Variants in FBXO24 observed in about 807,000 individuals in gnomAD.
FBXO24 encodes F-box protein 24.
Under a neutral mutation model 63.5 loss-of-function variants are expected in FBXO24, and 30 were observed. That is an observed-to-expected ratio of 0.47 (90% confidence interval 0.35 to 0.64). The LOEUF is 0.64. Ranked by LOEUF, FBXO24 falls within the 30% of genes least tolerant of loss-of-function variation. The pLI is 0.00. For missense variants in FBXO24, 624 were observed against 763.4 expected, an observed-to-expected ratio of 0.82 and a Z score of 2.15; for synonymous variants, 300 against 305.0, an observed-to-expected ratio of 0.98 and a Z score of 0.17.
In FBXO24 at chr7:100,600,255, A is replaced by T; in HGVS notation, c.1377+54A>T. ...CCAGGGAGGATGAGAGCCATGAACC[A>T]GGAAGCCCACAGGCTGTAGCTGGGG... On this transcript the variant is annotated intron_variant, in intron 9 of 9. Coordinates refer to ENST00000241071, the MANE Select transcript of FBXO24 (RefSeq NM_033506.3). This position sits in a 1 kb window ranked among gnomAD's most constrained non-coding sequence, Gnocchi z 6.3. 1 of 1,466,052 alleles carries T rather than the reference A, an allele frequency of 6.8e-7. No individual in the cohort carries two copies. The highest frequency in any genetic ancestry group is 9.1e-7 in the Non-Finnish European group (1 of 1,104,654). 90.8% of individuals were successfully genotyped at this position (1,466,052 alleles called of 1,614,324 possible). A position where few individuals can be genotyped will look rare whatever the true frequency, so the allele number is the denominator to read the frequency against.
At chr7:100,589,277 C>T in intron 1 of FBXO24, 1 of 517,164 alleles carries the variant, frequency 1.9e-6, no homozygotes, top group Non-Finnish European at 2.5e-6. Context: ...CTTGAGCTAC[C>T]AATCCCTAGA....
chr7:100,598,772 T>C (rs1374169779), intron 8 of FBXO24, among the ~76,000 whole-genome samples: 1 of 151,824 alleles, frequency 6.6e-6, no homozygotes, highest in Non-Finnish European at 1.5e-5. Flanking sequence ...AGCCCAGGAG[T>C]TCGGGACCAG....
intron 8 of FBXO24, among the ~76,000 whole-genome samples, chr7:100,597,072 T>C (rs544162684): frequency 2.6e-5 from 4 of 152,072 alleles, no homozygotes; most frequent in East Asian, 1.9e-4. Flanking sequence ...CCACACTCAA[T>C]TGGAAACGTC....
At position 100,594,006 on chromosome 7, in the gene FBXO24, C is replaced by T. The variant is rs374367839; in HGVS notation, c.794-377C>T. The stretch of plus-strand genomic sequence containing the variant: ...CTTGCTATGTTGCCCAGGCTGGTCT[C>T]GAACTCCCTGCCTCAAGTGATCCTC... On this transcript the variant is annotated intron_variant, in intron 5 of 9. Transcript: ENST00000241071. The surrounding 1 kb of genome is among the most constrained non-coding windows in gnomAD (Gnocchi z 4.2). 3.9e-5 allele frequency among the ~76,000 whole-genome samples: 6 copies of T among 151,966 alleles called. No homozygotes were observed. The highest frequency in any genetic ancestry group is 1.9e-4 in the East Asian group (1 of 5,196).
intron 3 of FBXO24, 45 bp from the exon 4 acceptor site, chr7:100,591,622 G>C (rs376048381): frequency 1.3e-6 from 2 of 1,575,510 alleles, no homozygotes; most frequent in Non-Finnish European, 1.7e-6. Flanking sequence ...CATCTCCCTC[G>C]TGTCATCTCA....
rs551291421 is a variant in FBXO24 at position 100,593,260 on chromosome 7, C to T, written c.793+243C>T. Among the ~76,000 whole-genome samples, 68 of 152,038 alleles carry T rather than the reference C, an allele frequency of 4.5e-4. 2 individuals carry two copies. The Middle Eastern group carries it at 0.041, about 91-fold the overall frequency. On this transcript the variant is annotated intron_variant, in intron 5 of 9. Transcript: ENST00000241071. ...CTGTAACCCCAGCACTTTGGGAGGC[C>T]GAGGTGAGCAGATCACCTGAGATCT... is the stretch of plus-strand genomic sequence containing the variant.
Position 100,591,838 on chromosome 7 carries a change from C to T in FBXO24, c.494C>T (p.Thr165Ile), listed in dbSNP as rs1233631090. 13 of 1,614,228 alleles carry T rather than the reference C, an allele frequency of 8.1e-6. No individual in the cohort carries two copies. Among genetic ancestry groups the T allele is most frequent in the Non-Finnish European group, 5.9e-6 (7 of 1,180,046 alleles). The change falls in exon 4 of 10, where the codon ACC (threonine) becomes ATC (isoleucine). Residue 165 changes from threonine to isoleucine, a missense_variant. Coordinates refer to ENST00000241071, the MANE Select transcript of FBXO24 (RefSeq NM_033506.3). ...LFFLKNALVS[T>I]LGQMQWKRAC... is the part of the protein sequence containing the mutation. ...TTCCTCAAAAATGCCCTGGTCTCCACCCTCGGCCAGATGCAGTGGAAGCGG... is the reference window on the plus strand; with the variant it reads ...TTCCTCAAAAATGCCCTGGTCTCCATCCTCGGCCAGATGCAGTGGAAGCGG...
chr7:100,595,729 C>G lies in FBXO24; in HGVS notation c.1206+23C>G. The G allele has an allele frequency of 3.2e-6, 5 of 1,565,888 alleles. No individual in the cohort carries two copies. The South Asian group carries it at 3.5e-5, about 11-fold the overall frequency. ...CAGGTGAGACTATTTCCCAGCAACT[C>G]TCATCCCAACCCCTTTCCTCCAATT... On this transcript the variant is annotated intron_variant, in intron 8 of 9. Transcript: ENST00000241071.
At chr7:100,586,744 T>C in intron 1 of FBXO24, 80 bp downstream of exon 1, 1 of 1,491,704 alleles carries the variant, frequency 6.7e-7, no homozygotes, top group Non-Finnish European at 9.3e-7. Flanking sequence ...GCCGCTGCAG[T>C]GGCGAGTGCG....
Position 100,594,182 on chromosome 7 carries a change from C to A in FBXO24, c.794-201C>A, listed in dbSNP as rs1802177514. On this transcript the variant is annotated intron_variant, in intron 5 of 9. Coordinates refer to ENST00000241071, the MANE Select transcript of FBXO24 (RefSeq NM_033506.3). The surrounding 1 kb of genome is among the most constrained non-coding windows in gnomAD (Gnocchi z 4.2). Reference sequence around the variant, plus strand: ...AATCTGCTAGATTTTTCTCTCTGCTCATCTCTCATGCTGAAGTACTTCCCT... The same window carrying A: ...AATCTGCTAGATTTTTCTCTCTGCTAATCTCTCATGCTGAAGTACTTCCCT... 6.6e-6 allele frequency among the ~76,000 whole-genome samples: 1 copy of A among 152,202 alleles called. No homozygotes were observed. Among genetic ancestry groups the A allele is most frequent in the African/African-American group, 2.4e-5 (1 of 41,434 alleles).
intron 7 of FBXO24, 138 bp downstream of exon 7, chr7:100,595,361 T>C: frequency 1.3e-6 from 2 of 1,489,458 alleles, no homozygotes. Flanking sequence ...AGAGATCAGC[T>C]GGGGGCTCGG....
At chr7:100,588,240 A>G (rs1801847496) in intron 1 of FBXO24, among the ~76,000 whole-genome samples, 1 of 152,192 alleles carries the variant, frequency 6.6e-6, no homozygotes, top group African/African-American at 2.4e-5. Flanking sequence ...TGGAGTGGAT[A>G]AAGGGGACCC....
At chr7:100,595,017 T>C in intron 6 of FBXO24, 85 bp from the exon 7 acceptor site, 3 of 1,573,584 alleles carry the variant, frequency 1.9e-6, no homozygotes, top group Admixed American at 1.8e-5. Context: ...ACTCCTTGGA[T>C]CTTGTAGCTT....
rs775067872 is a variant in FBXO24, at chr7:100,595,735, C to A, written c.1206+29C>A. The stretch of plus-strand genomic sequence containing the variant: ...AGACTATTTCCCAGCAACTCTCATC[C>A]CAACCCCTTTCCTCCAATTCCCTAA... On this transcript the variant is annotated intron_variant, in intron 8 of 9. Transcript: ENST00000241071. 8 of 1,552,320 alleles carry A rather than the reference C, an allele frequency of 5.2e-6. No individual in the cohort carries two copies. The Admixed American group carries it at 1.3e-4, about 25-fold the overall frequency.
chr7:100,594,557 C>T lies in FBXO24; in HGVS notation c.952+16C>T. The T allele has an allele frequency of 6.4e-7, 1 of 1,558,616 alleles. No individual in the cohort carries two copies. Among genetic ancestry groups the T allele is most frequent in the Non-Finnish European group, 8.7e-7 (1 of 1,149,286 alleles). On this transcript the variant is annotated intron_variant, in intron 6 of 9. Transcript: ENST00000241071. The surrounding 1 kb of genome is among the most constrained non-coding windows in gnomAD (Gnocchi z 4.2). ...TACGTCACAGGTATGGACCACCTCC[C>T]CCCGGCTCAAGCCCGCAGCCTTGGT...
intron 1 of FBXO24, 63 bp from the exon 2 acceptor site, chr7:100,589,914 C>T (rs946874188): frequency 4.8e-5 from 76 of 1,571,732 alleles, no homozygotes; most frequent in Non-Finnish European, 5.5e-5. Context: ...CCAAGGTAGG[C>T]GGAGAGAAGG....
Position 100,600,892 on chromosome 7 carries a change from A to C in FBXO24, c.1736A>C (p.Glu579Ala), listed in dbSNP as rs1369060156. ...GGTGGTGTAGGGCCCCCAGCCCCTG[A>C]GACCTAATCCCCCTCATGCTAGCCT... ...GGGGVGPPAP[E>A]T Residue 579 changes from glutamate to alanine, a missense_variant, in exon 10 of 10, where the codon GAG (glutamate) becomes GCG (alanine). By Grantham distance (107) the Glu-to-Ala change is moderately radical (BLOSUM62 -1). Transcript: ENST00000241071. The surrounding 1 kb of genome is among the most constrained non-coding windows in gnomAD (Gnocchi z 6.3). 3 of 1,612,512 alleles carry C rather than the reference A, an allele frequency of 1.9e-6. No homozygotes were observed. In the African/African-American group the frequency reaches 4.0e-5, roughly 21 times the overall value.
At position 100,590,338 on chromosome 7, in the gene FBXO24, G is replaced by A; in HGVS notation, c.303G>A (p.Lys101=). ...QDQGSGVRPW[K]RAAILNYTKG... is the part of the protein sequence containing the mutation. ...AGGGTTCTGGAGTCCGGCCCTGGAAGAGAGCTGCCATTCTGAACTGTACAC... is the reference window on the plus strand; with the variant it reads ...AGGGTTCTGGAGTCCGGCCCTGGAAAAGAGCTGCCATTCTGAACTGTACAC... The change falls in exon 3 of 10, where the codon AAG becomes AAA. Residue 101 remains lysine, a synonymous_variant. Coordinates refer to ENST00000241071, the MANE Select transcript of FBXO24 (RefSeq NM_033506.3). 1 of 1,613,596 alleles carries A rather than the reference G, an allele frequency of 6.2e-7. No homozygotes were observed. Among genetic ancestry groups the A allele is most frequent in the Admixed American group, 1.7e-5 (1 of 59,962 alleles).
rs575251869 is a variant in FBXO24 at position 100,590,235 on chromosome 7, G to A, written c.200G>A (p.Arg67His). The A allele has an allele frequency of 6.8e-6, 11 of 1,614,090 alleles. No individual in the cohort carries two copies. The highest frequency in any genetic ancestry group is 2.2e-5 in the East Asian group (1 of 44,872). ...CTTGTTGCCCTCGGCCAGACCTGCCGCTACTTCCACGAAGTGTGCGATGGG... is the reference window on the plus strand; with the variant it reads ...CTTGTTGCCCTCGGCCAGACCTGCCACTACTTCCACGAAGTGTGCGATGGG... ...RDLVALGQTC[R>H]YFHEVCDGEG... is the part of the protein sequence containing the mutation. Residue 67 changes from arginine (R) to histidine (H), a missense_variant, in exon 3 of 10, where the codon CGC (arginine) becomes CAC (histidine). Physicochemically the swap from Arg to His is conservative, Grantham distance 29. Coordinates refer to ENST00000241071, the MANE Select transcript of FBXO24 (RefSeq NM_033506.3).
Sources: allele counts gnomAD v4.1 joint callset (sites outside exome capture counted in the v4.1 genomes callset), GRCh38; gene constraint gnomAD v4.1.1; non-coding constraint Gnocchi (gnomAD v3.1); transcripts MANE v1.5; gene names NCBI Gene and HGNC (gene_info 2026-07-23, HGNC 2026-07-21).